The following PIEZO2 variants were observed in gnomAD, a reference collection of about 807,000 sequenced individuals.
The protein encoded by PIEZO2 is piezo type mechanosensitive ion channel component 2, also known as piezo-type mechanosensitive ion channel component 2.
Under a neutral mutation model 337.3 loss-of-function variants are expected in PIEZO2, and 172 were observed. The ratio of observed to expected loss-of-function variants is 0.51; its 90% CI spans 0.45 to 0.58. The LOEUF (loss-of-function observed/expected upper bound fraction) is 0.58, where lower values mean the gene tolerates loss of function less well. Ranked by LOEUF, PIEZO2 falls within the 20% of genes least tolerant of loss-of-function variation. The probability of loss-of-function intolerance (pLI) is 0.00; values close to 1 mark genes in which losing one functional copy is unlikely to be tolerated. For missense variants in PIEZO2, 3,028 were observed against 3,391.3 expected (o/e 0.89, Z 2.66); for synonymous variants, 1,251 against 1,228.5 (o/e 1.02, Z -0.38).
At chr18:10,683,320 A>G (rs1269196225) in intron 49 of PIEZO2, among the ~76,000 whole-genome samples, 1 of 152,246 alleles carries the variant, frequency 6.6e-6, no homozygotes, top group Non-Finnish European at 1.5e-5. Context: ...CCTGGACACT[A>G]AGTGCCAAAG....
At position 10,704,474 on chromosome 18, in the gene PIEZO2, TG is replaced by T. The variant is rs1347675118; in HGVS notation, c.6177del (p.Ile2060SerfsTer20). ...AACATGGCCCAGAGGAAGATGAGGA[TG>T]GGAAGCAGGAGCGTGATCATGGAGG... ...VSASMITLLL[P>X]ILIFLWAMLS... On this transcript the variant is annotated frameshift_variant, in exon 42 of 56. Coordinates refer to ENST00000674853, the MANE Select transcript of PIEZO2 (RefSeq NM_001378183.1). LOFTEE classifies it high-confidence loss of function. 5.9e-6 allele frequency: 9 copies of T among 1,537,036 alleles called. No individual in the cohort carries two copies. The highest frequency in any genetic ancestry group is 7.8e-6 in the Non-Finnish European group (9 of 1,146,896).
At chr18:11,066,515 T>C (rs1036850353) in intron 1 of PIEZO2, among the ~76,000 whole-genome samples, 2 of 152,176 alleles carry the variant, frequency 1.3e-5, no homozygotes, top group African/African-American at 4.8e-5. Context: ...GCTACAATAA[T>C]TTAAGGGATA....
chr18:11,051,718 T>C (rs1026803167), intron 2 of PIEZO2, among the ~76,000 whole-genome samples: 12 of 152,246 alleles, frequency 7.9e-5, no homozygotes, highest in African/African-American at 2.7e-4. Flanking sequence ...GCCACTTTAC[T>C]GATAATATCA....
chr18:10,752,737 C>T lies in PIEZO2; in HGVS notation c.4066G>A (p.Gly1356Arg). 2.0e-6 allele frequency: 3 copies of T among 1,537,224 alleles called. No individual in the cohort carries two copies. The highest frequency in any genetic ancestry group is 8.7e-7 in the Non-Finnish European group (1 of 1,146,916). Residue 1356 changes from glycine to arginine, a missense_variant, in exon 28 of 56, where the codon GGG (glycine) becomes AGG (arginine). Transcript: ENST00000674853. ...LVACFYFLLF[G>R]GDLLLKPIKS... ...ATGGGTTTCAACAGCAAATCGCCCC[C>T]AAAGAGCAGGAAGTAGAAACAGGCC...
At position 10,724,705 on chromosome 18, in the gene PIEZO2, C is replaced by G; in HGVS notation, c.5030-6446G>C. ...GCTGTCCCTGCGTCATAGGCTGAAG[C>G]ACTCAGACCGAGATGGGCCACCACT... On this transcript the variant is annotated intron_variant, in intron 36 of 55. Transcript: ENST00000674853. This position sits in a 1 kb window ranked among gnomAD's most constrained non-coding sequence, Gnocchi z 5.8. 7.7e-7 allele frequency: 1 copy of G among 1,292,280 alleles called. No individual in the cohort carries two copies. Among genetic ancestry groups the G allele is most frequent in the Non-Finnish European group, 1.1e-6 (1 of 927,048 alleles). The allele number at this position is 1,292,280 out of a possible 1,614,324, so 80.1% of individuals were successfully genotyped here.
rs1354018589 is a variant in PIEZO2, at chr18:10,861,156, A to T, written c.493-3945T>A. Among the ~76,000 whole-genome samples the T allele has an allele frequency of 2.0e-5, 3 of 152,242 alleles. No individual in the cohort carries two copies. Among genetic ancestry groups the T allele is most frequent in the Non-Finnish European group, 2.9e-5 (2 of 68,046 alleles). ...ATGGACTCACTCTCGCATGTTTACTAACAGGCAGTCTTGCTTGCTGGAGCT... is the reference window on the plus strand; with the variant it reads ...ATGGACTCACTCTCGCATGTTTACTTACAGGCAGTCTTGCTTGCTGGAGCT... On this transcript the variant is annotated intron_variant, in intron 5 of 55. Transcript: ENST00000674853. The surrounding 1 kb of genome is among the most constrained non-coding windows in gnomAD (Gnocchi z 4.3).
At chr18:11,005,476 G>A (rs571671060) in intron 2 of PIEZO2, among the ~76,000 whole-genome samples, 57 of 152,278 alleles carry the variant, frequency 3.7e-4, no homozygotes, top group African/African-American at 1.4e-3. Context: ...TCTAGTTCAC[G>A]CAGATTGAGG....
intron 2 of PIEZO2, among the ~76,000 whole-genome samples, chr18:11,006,470 C>A (rs2035724834): frequency 6.6e-6 from 1 of 152,142 alleles, no homozygotes; most frequent in Non-Finnish European, 1.5e-5. Context: ...GGGCAAAAGG[C>A]TGAAGGAAGC....
Position 11,083,482 on chromosome 18 carries a change from A to C in PIEZO2, c.65-17260T>G, listed in dbSNP as rs1301930089. Among the ~76,000 whole-genome samples the C allele has an allele frequency of 6.6e-6, 1 of 152,090 alleles. No homozygotes were observed. The highest frequency in any genetic ancestry group is 2.4e-5 in the African/African-American group (1 of 41,402). On this transcript the variant is annotated intron_variant, in intron 1 of 55. Coordinates refer to ENST00000674853, the MANE Select transcript of PIEZO2 (RefSeq NM_001378183.1). The surrounding 1 kb of genome is among the most constrained non-coding windows in gnomAD (Gnocchi z 4.4). ...GAATGATGCTGGCTGTGGCTTGGGG[A>C]AATGGAGGGGAACTAGAGAGAGGAG... is the stretch of plus-strand genomic sequence containing the variant.
rs1170021468 is a variant in PIEZO2 at position 10,872,806 on chromosome 18, T to TA, written c.330-1392dup. On this transcript the variant is annotated intron_variant, in intron 4 of 55. Coordinates refer to ENST00000674853, the MANE Select transcript of PIEZO2 (RefSeq NM_001378183.1). The surrounding 1 kb of genome is among the most constrained non-coding windows in gnomAD (Gnocchi z 4.3). ...AAAAGCTAATGAAATGACTAGGTGA[T>TA]ATGAAGAAAAAGTTATACAGACTTA... Among the ~76,000 whole-genome samples the TA allele has an allele frequency of 2.0e-5, 3 of 152,172 alleles. No individual in the cohort carries two copies. The highest frequency in any genetic ancestry group is 4.4e-5 in the Non-Finnish European group (3 of 68,028).
rs1359076720 is a variant in PIEZO2 at position 10,807,144 on chromosome 18, T to C, written c.1048A>G (p.Thr350Ala). 2.0e-6 allele frequency: 3 copies of C among 1,537,064 alleles called. No individual in the cohort carries two copies. The highest frequency in any genetic ancestry group is 2.4e-5 in the East Asian group (1 of 40,906). ...TCTTGCAGCCAGATGCGGATCAGAG[T>C]GGCCAGAGTGTAGTACATCACCAGC... Reference protein sequence around the residue: ...LLLVMYYTLATLIRIWLQEPL... With the variant: ...LLLVMYYTLAALIRIWLQEPL... The change falls in exon 8 of 56, where the codon ACT (threonine) becomes GCT (alanine). Residue 350 changes from threonine to alanine, a missense_variant. Physicochemically the swap from Thr to Ala is moderately conservative, Grantham distance 58. This residue lies in a region of PIEZO2 where 542 missense variants were observed against 605.6 expected (regional missense o/e 0.89). Transcript: ENST00000674853.
rs1424013165 is a variant in PIEZO2, at chr18:10,766,997, CCCCTCCCCTCCCCTT to C, written c.2946+3136_2946+3150del. ...CCTCCCACCTTCCATTCCCTCCCCT[CCCCTCCCCTCCCCTT>C]CCCTCCCCTCCCCTTCCCTTCCTTC... On this transcript the variant is annotated intron_variant, in intron 21 of 55. Coordinates refer to ENST00000674853, the MANE Select transcript of PIEZO2 (RefSeq NM_001378183.1). The surrounding 1 kb of genome is among the most constrained non-coding windows in gnomAD (Gnocchi z 6.1). 5.6e-5 allele frequency among the ~76,000 whole-genome samples: 8 copies of C among 141,632 alleles called. No individual in the cohort carries two copies. The highest frequency in any genetic ancestry group is 4.9e-4 in the South Asian group (2 of 4,118). 92.9% of individuals were successfully genotyped at this position (141,632 alleles called of 152,430 possible).
chr18:10,994,483 C>A (rs2035229300), intron 2 of PIEZO2, among the ~76,000 whole-genome samples: 1 of 148,590 alleles, frequency 6.7e-6, no homozygotes, highest in Admixed American at 6.7e-5. Flanking sequence ...GATCTCGGCT[C>A]ACTGCAACCT....
chr18:10,939,392 T>A (rs2032595722), intron 3 of PIEZO2, among the ~76,000 whole-genome samples: 2 of 152,206 alleles, frequency 1.3e-5, no homozygotes, highest in African/African-American at 4.8e-5. Context: ...AGAAATACCA[T>A]TTGACCCAGC....
intron 21 of PIEZO2, chr18:10,769,946 GA>G (rs747325577): frequency 2.3e-5 from 12 of 521,910 alleles, no homozygotes; most frequent in Non-Finnish European, 3.9e-5. Context: ...CCAAGCCAAC[GA>G]GAAACTCAGC....
chr18:10,780,178 T>G, intron 18 of PIEZO2, 147 bp downstream of exon 18: 1 of 627,628 alleles, frequency 1.6e-6, no homozygotes, highest in Admixed American at 2.3e-5. Context: ...CCAAATGGTT[T>G]GGTTTGCAAA....
chr18:10,691,067 A>G (rs2034800140), intron 48 of PIEZO2, among the ~76,000 whole-genome samples, 158 bp downstream of exon 48: 1 of 152,218 alleles, frequency 6.6e-6, no homozygotes, highest in African/African-American at 2.4e-5. Flanking sequence ...AGGTGTTTAA[A>G]GAGGCATATT....
At chr18:11,014,265 C>G (rs1447677663) in intron 2 of PIEZO2, among the ~76,000 whole-genome samples, 1 of 144,466 alleles carries the variant, frequency 6.9e-6, no homozygotes, top group African/African-American at 2.6e-5. Context: ...GGACAGCGAT[C>G]CAAGGCCCTC....
At chr18:11,121,423 G>T (rs1013477846) in intron 1 of PIEZO2, among the ~76,000 whole-genome samples, 1 of 152,086 alleles carries the variant, frequency 6.6e-6, no homozygotes, top group African/African-American at 2.4e-5. Flanking sequence ...AAAATTAGCT[G>T]GATGTGGTGG....
Sources: allele counts gnomAD v4.1 joint callset (sites outside exome capture counted in the v4.1 genomes callset), GRCh38; gene constraint gnomAD v4.1.1; regional missense constraint gnomAD v4.1.1; non-coding constraint Gnocchi (gnomAD v3.1); transcripts MANE v1.5; gene names NCBI Gene and HGNC (gene_info 2026-07-23, HGNC 2026-07-21).